Variants in ZNF85 observed in about 807,000 individuals in gnomAD.
ZNF85 encodes zinc finger protein 85.
A neutral mutation model predicts 53.9 loss-of-function variants in ZNF85; 50 were observed. That is an observed-to-expected ratio of 0.93 (90% CI 0.74 to 1.17). The LOEUF (loss-of-function observed/expected upper bound fraction) is 1.17. Among genes scored for constraint, ZNF85 ranks in the 50% most tolerant of loss-of-function variants. The pLI is 0.00. For missense variants in ZNF85, 747 were observed against 688.5 expected (o/e 1.08, Z -0.95); for synonymous variants, 225 against 226.1 (o/e 1.00, Z 0.04).
intron 1 of ZNF85, 57 bp downstream of exon 1, chr19:20,923,460 GA>G: frequency 1.2e-6 from 2 of 1,612,482 alleles, no homozygotes; most frequent in South Asian, 2.2e-5. Context: ...AAACCGGTGG[GA>G]AGCGGCTGTG....
rs777368096 is a variant in ZNF85 at position 20,950,013 on chromosome 19, A to G, written c.1499A>G (p.His500Arg). The change falls in exon 4 of 4, where the codon CAT (histidine) becomes CGT (arginine). Residue 500 changes from histidine (H) to arginine (R), a missense_variant. His to Arg is a conservative substitution (Grantham distance 29). Transcript: ENST00000328178. ...AAATGGCCCTCAACCCTTACTATCC[A>G]TAAGATAATTCATACTGGAGAGAAA... ...GFKWPSTLTIHKIIHTGEKPY... is the reference protein window; with the variant it reads ...GFKWPSTLTIRKIIHTGEKPY... 43 of 1,613,010 alleles carry G rather than the reference A, an allele frequency of 2.7e-5. No individual in the cohort carries two copies. The highest frequency in any genetic ancestry group is 2.0e-4 in the South Asian group (18 of 91,030).
intron 1 of ZNF85, among the ~76,000 whole-genome samples, chr19:20,929,335 C>T (rs111612021): frequency 0.12 from 18,326 of 151,880 alleles, 1,265 homozygotes; most frequent in Middle Eastern, 0.17. Context: ...ACTACAGGTG[C>T]ACACCACCAC....
At chr19:20,933,372 GTT>G (rs112577042) in intron 1 of ZNF85, among the ~76,000 whole-genome samples, 1 of 143,604 alleles carries the variant, frequency 7.0e-6, no homozygotes, top group African/African-American at 2.5e-5. Flanking sequence ...TTTTTTCTTA[GTT>G]TTTTTTTTTT....
chr19:20,934,303 G>T (rs189931727), intron 2 of ZNF85, among the ~76,000 whole-genome samples, 153 bp downstream of exon 2: 3 of 152,248 alleles, frequency 2.0e-5, no homozygotes, highest in Non-Finnish European at 2.9e-5. Context: ...ATGTAGAAAA[G>T]AATTTCTGCA....
chr19:20,933,925 T>C, intron 1 of ZNF85, 99 bp from the exon 2 acceptor site: 1 of 1,290,862 alleles, frequency 7.7e-7, no homozygotes, highest in South Asian at 2.0e-5. Flanking sequence ...TTGAGTAAAA[T>C]TAAAAATGCT....
chr19:20,934,108 A>G lies in ZNF85; in HGVS notation c.88A>G (p.Arg30Gly). Residue 30 changes from arginine to glycine, a missense_variant, in exon 2 of 4, where the codon AGA (arginine) becomes GGA (glycine). Arg to Gly is a moderately radical substitution (Grantham distance 125). Transcript: ENST00000328178. ...GGACACTGCACAGCGGAATTTATATAGAAATGTGATGTTAGAGAACTACAG... is the reference window on the plus strand; with the variant it reads ...GGACACTGCACAGCGGAATTTATATGGAAATGTGATGTTAGAGAACTACAG... Reference protein sequence around the residue: ...CLDTAQRNLYRNVMLENYRNL... With the variant: ...CLDTAQRNLYGNVMLENYRNL... The G allele has an allele frequency of 6.2e-7, 1 of 1,612,798 alleles. No individual in the cohort carries two copies. The highest frequency in any genetic ancestry group is 1.7e-5 in the Admixed American group (1 of 59,936).
rs532352957 is a variant in ZNF85, at chr19:20,930,084, G to A, written c.4-3940G>A. ...TACAGTGAGCTGAGATCATGCCATT[G>A]CACTCCAGCCTGGGTGACAGAGCAA... On this transcript the variant is annotated intron_variant, in intron 1 of 3. Coordinates refer to ENST00000328178, the MANE Select transcript of ZNF85 (RefSeq NM_003429.5). Among the ~76,000 whole-genome samples, 3 of 125,850 alleles carry A rather than the reference G, an allele frequency of 2.4e-5. No individual in the cohort carries two copies. In the East Asian group the frequency reaches 7.4e-4, roughly 31 times the overall value. 82.6% of individuals were successfully genotyped at this position (125,850 alleles called of 152,430 possible). A position where few individuals can be genotyped will look rare whatever the true frequency, so the allele number is the denominator to read the frequency against.
chr19:20,925,576 A>T (rs2144596062), intron 1 of ZNF85, among the ~76,000 whole-genome samples: 1 of 152,326 alleles, frequency 6.6e-6, no homozygotes, highest in Non-Finnish European at 1.5e-5. Flanking sequence ...TGAAAGAAAA[A>T]ATAGTATCCC....
intron 1 of ZNF85, among the ~76,000 whole-genome samples, chr19:20,926,340 G>C (rs1224732814): frequency 1.3e-5 from 2 of 151,998 alleles, no homozygotes; most frequent in African/African-American, 2.4e-5. Flanking sequence ...ATGACTAATT[G>C]TTTACTACAT....
intron 1 of ZNF85, chr19:20,927,579 T>C (rs1052262635): frequency 6.6e-6 from 1 of 152,096 alleles, no homozygotes; most frequent in African/African-American, 2.4e-5. Flanking sequence ...GAGTGTCTTC[T>C]AAGTCATAAT....
rs1249750274 is a variant in ZNF85 at position 20,938,882 on chromosome 19, ATATG to A, written c.229+3837_229+3840del. 5.4e-3 allele frequency among the ~76,000 whole-genome samples: 795 copies of A among 146,968 alleles called. 4 individuals carry two copies. The highest frequency in any genetic ancestry group is 0.019 in the African/African-American group (733 of 38,316). On this transcript the variant is annotated intron_variant, in intron 3 of 3. Coordinates refer to ENST00000328178, the MANE Select transcript of ZNF85 (RefSeq NM_003429.5). ...TGTGTGTGTGTGTGTGTGTGTATAT[ATATG>A]TGTGTGTGTGTGTGTGTATTTTATT...
At chr19:20,942,905 A>C in intron 3 of ZNF85, 1 of 673,256 alleles carries the variant, frequency 1.5e-6, no homozygotes, top group Non-Finnish European at 2.7e-6. Context: ...CCTCCCGAGT[A>C]GCTTGGACTA....
In ZNF85 at chr19:20,948,992, A is replaced by G. The variant is rs758223042; in HGVS notation, c.478A>G (p.Asn160Asp). 6.2e-7 allele frequency: 1 copy of G among 1,613,564 alleles called. No homozygotes were observed. The highest frequency in any genetic ancestry group is 1.7e-5 in the Admixed American group (1 of 59,958). ...TGTAAAAGTCGCTCATAAATTTTCA[A>G]ATTCAAACAGACATGAGATAAGACA... is the stretch of plus-strand genomic sequence containing the variant. ...KYVKVAHKFS[N>D]SNRHEIRHTK... Residue 160 changes from asparagine (N) to aspartate (D), a missense_variant, in exon 4 of 4, where the codon AAT becomes GAT. Physicochemically the swap from Asn to Asp is conservative, Grantham distance 23. Transcript: ENST00000328178.
At position 20,923,338 on chromosome 19, in the gene ZNF85, C is replaced by T. The variant is rs1972799980; in HGVS notation, c.-63C>T. ...TCGTGGACGCCCAGCCTCTGTGGCCCTGTGGCCTGCAGGTATTGGGAGATC... is the reference window on the plus strand; with the variant it reads ...TCGTGGACGCCCAGCCTCTGTGGCCTTGTGGCCTGCAGGTATTGGGAGATC... On this transcript the variant is annotated 5_prime_UTR_variant, in exon 1 of 4. Coordinates refer to ENST00000328178, the MANE Select transcript of ZNF85 (RefSeq NM_003429.5). 6.2e-7 allele frequency: 1 copy of T among 1,613,076 alleles called. No individual in the cohort carries two copies. The highest frequency in any genetic ancestry group is 8.5e-7 in the Non-Finnish European group (1 of 1,179,290).
In ZNF85 at chr19:20,940,958, A is replaced by G. The variant is rs565687340; in HGVS notation, c.229+5911A>G. 8.5e-5 allele frequency among the ~76,000 whole-genome samples: 13 copies of G among 152,362 alleles called. No individual in the cohort carries two copies. In the South Asian group the frequency reaches 2.7e-3, roughly 32 times the overall value. The stretch of plus-strand genomic sequence containing the variant: ...TTATGTGAATACTGGTACAATAAAC[A>G]TGGATGCTCAAATATGTCTCCCAGG... On this transcript the variant is annotated intron_variant, in intron 3 of 3. Coordinates refer to ENST00000328178, the MANE Select transcript of ZNF85 (RefSeq NM_003429.5).
At chr19:20,937,314 G>T (rs769653296) in intron 3 of ZNF85, 1 of 456,124 alleles carries the variant, frequency 2.2e-6, no homozygotes, top group South Asian at 1.5e-5. Flanking sequence ...ATAGACATGA[G>T]CCTCAGCGCC....
At chr19:20,944,636 A>G (rs1973378655) in intron 3 of ZNF85, among the ~76,000 whole-genome samples, 1 of 148,688 alleles carries the variant, frequency 6.7e-6, no homozygotes, top group African/African-American at 2.5e-5. Flanking sequence ...TTTTTGCTAT[A>G]TTATTCTATG....
At chr19:20,924,071 G>A (rs1237682419) in intron 1 of ZNF85, among the ~76,000 whole-genome samples, 2 of 144,242 alleles carry the variant, frequency 1.4e-5, no homozygotes, top group Non-Finnish European at 3.0e-5. Flanking sequence ...GGCAATAAGA[G>A]TGAAACTCCG....
chr19:20,947,120 G>T (rs1302630749), intron 3 of ZNF85, among the ~76,000 whole-genome samples: 1 of 151,204 alleles, frequency 6.6e-6, no homozygotes, highest in Non-Finnish European at 1.5e-5. Context: ...GTACCTTGGG[G>T]TTTACATAAA....
Sources: allele counts gnomAD v4.1 joint callset (sites outside exome capture counted in the v4.1 genomes callset), GRCh38; gene constraint gnomAD v4.1.1; transcripts MANE v1.5; gene names NCBI Gene and HGNC (gene_info 2026-07-23, HGNC 2026-07-21).